Variants in SV2C observed in about 807,000 individuals in gnomAD.
The protein encoded by SV2C is solute carrier family 22 member B3.
SV2C carries 49 observed loss-of-function variants against 79.7 expected under a neutral mutation model. The ratio of observed to expected loss-of-function variants is 0.61; its 90% CI spans 0.49 to 0.78. The LOEUF is 0.78. Ranked by LOEUF, SV2C falls within the 30% of genes least tolerant of loss-of-function variation. The pLI is 0.00. For synonymous variants in SV2C, 334 were observed against 333.2 expected, an observed-to-expected ratio of 1.00 and a Z score of -0.03; for missense variants, 833 against 912.9, an observed-to-expected ratio of 0.91 and a Z score of 1.13.
chr5:75,926,401 C>A, the SV2C span, among the ~76,000 whole-genome samples: 1,492 of 152,266 alleles, frequency 9.8e-3, 22 homozygotes, highest in African/African-American at 0.034. Flanking sequence ...AACTAATGAG[C>A]TTTGCTACTG....
chr5:75,970,544 A>T, the SV2C span, among the ~76,000 whole-genome samples: 3 of 152,034 alleles, frequency 2.0e-5, no homozygotes, highest in Admixed American at 6.5e-5. Flanking sequence ...TACTATAAAC[A>T]CCTCTATGCA....
In SV2C at chr5:76,179,137, C is replaced by T. The variant is rs541318909; in HGVS notation, c.581-15782C>T. Among the ~76,000 whole-genome samples the T allele has an allele frequency of 1.5e-3, 232 of 152,240 alleles. 1 individual carries two copies. The highest frequency in any genetic ancestry group is 5.4e-3 in the African/African-American group (223 of 41,532). Reference sequence around the variant, plus strand: ...GGTGAGAATGTATAGGAGTTACCCACGCAAACTATAGTAGTCTGGGTGTCT... The same window carrying T: ...GGTGAGAATGTATAGGAGTTACCCATGCAAACTATAGTAGTCTGGGTGTCT... On this transcript the variant is annotated intron_variant, in intron 2 of 12. Coordinates refer to ENST00000502798, the MANE Select transcript of SV2C (RefSeq NM_014979.4).
the SV2C span, among the ~76,000 whole-genome samples, chr5:75,950,107 G>A: frequency 6.6e-6 from 1 of 152,048 alleles, no homozygotes; most frequent in Admixed American, 6.6e-5. Context: ...CTAGAACTGA[G>A]CCCTGGGGCA....
chr5:76,067,976 T>C, the SV2C span, among the ~76,000 whole-genome samples: 13 of 152,270 alleles, frequency 8.5e-5, no homozygotes, highest in South Asian at 6.2e-4. Flanking sequence ...TTGATGTTTA[T>C]CCATTTACAG....
chr5:76,211,985 G>C (rs1443143083), intron 4 of SV2C, among the ~76,000 whole-genome samples: 1 of 152,100 alleles, frequency 6.6e-6, no homozygotes, highest in Non-Finnish European at 1.5e-5. Flanking sequence ...CAAGTGGTGG[G>C]TTTTTCATTT....
chr5:76,011,304 TA>T, the SV2C span, among the ~76,000 whole-genome samples: 3 of 152,146 alleles, frequency 2.0e-5, no homozygotes, highest in Non-Finnish European at 2.9e-5. Context: ...GACATCAGGC[TA>T]AACATCTGTC....
intron 4 of SV2C, among the ~76,000 whole-genome samples, chr5:76,219,911 C>A (rs73115506): frequency 0.021 from 3,170 of 152,298 alleles, 109 homozygotes; most frequent in African/African-American, 0.071. Context: ...TTACTGAGAG[C>A]TTTCTGTGTC....
chr5:75,967,799 T>C, the SV2C span, among the ~76,000 whole-genome samples: 1 of 152,354 alleles, frequency 6.6e-6, no homozygotes, highest in East Asian at 1.9e-4. Flanking sequence ...TAAATGTCCC[T>C]GTCTGACAGC....
chr5:76,252,174 C>A (rs959467689), intron 4 of SV2C, among the ~76,000 whole-genome samples: 33 of 152,302 alleles, frequency 2.2e-4, no homozygotes, highest in African/African-American at 7.5e-4. Flanking sequence ...GACTGGAGTA[C>A]AATGGTGCGA....
At chr5:76,086,706 A>G (rs1056768685) in intron 1 of SV2C, among the ~76,000 whole-genome samples, 4 of 152,208 alleles carry the variant, frequency 2.6e-5, no homozygotes, top group Non-Finnish European at 4.4e-5. Context: ...CAATCTCTGC[A>G]CAGTTGAGCA....
At chr5:75,878,729 C>T in the SV2C span, among the ~76,000 whole-genome samples, 1,991 of 152,296 alleles carry the variant, frequency 0.013, 45 homozygotes, top group African/African-American at 0.044. Flanking sequence ...GGCCATACCA[C>T]ATACCATAGT....
At chr5:75,894,180 CT>C in the SV2C span, among the ~76,000 whole-genome samples, 1 of 152,034 alleles carries the variant, frequency 6.6e-6, no homozygotes, top group African/African-American at 2.4e-5. Context: ...TGTGGCAGTA[CT>C]CTAGCCCAGA....
At chr5:76,213,027 G>A (rs1032253812) in intron 4 of SV2C, among the ~76,000 whole-genome samples, 1 of 152,238 alleles carries the variant, frequency 6.6e-6, no homozygotes, top group Admixed American at 6.5e-5. Context: ...AAACAATGAC[G>A]ACACAACAAA....
At chr5:75,961,915 A>T in the SV2C span, among the ~76,000 whole-genome samples, 1 of 152,072 alleles carries the variant, frequency 6.6e-6, no homozygotes, top group Non-Finnish European at 1.5e-5. Flanking sequence ...CACTACTGGG[A>T]TGCAAAAATA....
chr5:75,983,710 C>T, the SV2C span, among the ~76,000 whole-genome samples: 10 of 151,978 alleles, frequency 6.6e-5, no homozygotes, highest in Non-Finnish European at 1.5e-4. Context: ...TAGTTGCATT[C>T]ATAGTCTCAT....
chr5:76,256,469 G>A (rs1341155850), intron 4 of SV2C, among the ~76,000 whole-genome samples: 4 of 152,130 alleles, frequency 2.6e-5, no homozygotes, highest in Non-Finnish European at 5.9e-5. Flanking sequence ...CTCAAGTGTT[G>A]GCTAGGGTTA....
chr5:76,352,767 G>A (rs246793), intron 12 of SV2C, among the ~76,000 whole-genome samples: 69,958 of 151,876 alleles, frequency 0.46, 16,752 homozygotes, highest in African/African-American at 0.56. Context: ...AATATGCATC[G>A]GTACATTTTC....
intron 4 of SV2C, among the ~76,000 whole-genome samples, chr5:76,221,014 G>A (rs1215329872): frequency 2.6e-5 from 4 of 152,198 alleles, no homozygotes; most frequent in Admixed American, 2.0e-4. Flanking sequence ...ATACAAATCA[G>A]TGTAGAGTGG....
chr5:75,917,716 C>A, the SV2C span, among the ~76,000 whole-genome samples: 1 of 151,608 alleles, frequency 6.6e-6, no homozygotes, highest in Non-Finnish European at 1.5e-5. Context: ...AATAGGTACC[C>A]CAAAAAAATA....
Sources: gnomAD v4.1 joint callset for allele counts (sites outside exome capture counted in the v4.1 genomes callset) on GRCh38, gnomAD v4.1.1 for gene constraint, MANE v1.5 for transcripts, NCBI Gene and HGNC (gene_info 2026-07-23, HGNC 2026-07-21) for gene names.